Variants in ABCA12 observed in about 807,000 individuals in gnomAD.
ABCA12 encodes the protein glucosylceramide transporter ABCA12.
ABCA12 carries 156 observed loss-of-function variants against 293.5 expected under a neutral mutation model. The ratio of observed to expected loss-of-function variants is 0.53; its 90% confidence interval spans 0.47 to 0.61. ABCA12 has a LOEUF of 0.61. Ranked by LOEUF, ABCA12 falls within the 20% of genes least tolerant of loss-of-function variation. The pLI, the probability that ABCA12 is intolerant of heterozygous loss-of-function variation, is 0.00. For missense variants in ABCA12, 2,797 were observed against 3,090.2 expected (o/e 0.91, Z 2.25); for synonymous variants, 1,063 against 1,108.0 (o/e 0.96, Z 0.81).
chr2:215,066,465 T>C (rs1046686288), intron 2 of ABCA12, among the ~76,000 whole-genome samples: 1 of 152,046 alleles, frequency 6.6e-6, no homozygotes, highest in South Asian at 2.1e-4. Context: ...GAAAAAGATG[T>C]CATGGAAAAA....
At chr2:215,128,009 C>T (rs2372486) in intron 1 of ABCA12, among the ~76,000 whole-genome samples, 16,260 of 152,110 alleles carry the variant, frequency 0.11, 1,243 homozygotes, top group Admixed American at 0.19. Context: ...GGTGAATTTT[C>T]TCAGCATTTG....
intron 20 of ABCA12, among the ~76,000 whole-genome samples, chr2:215,003,617 A>G (rs1700188933): frequency 6.6e-6 from 1 of 151,792 alleles, no homozygotes; most frequent in Non-Finnish European, 1.5e-5. Flanking sequence ...CTAACAACCT[A>G]CCTATGATTG....
intron 18 of ABCA12, 34 bp downstream of exon 18, chr2:215,010,297 A>G (rs775112326): frequency 6.2e-7 from 1 of 1,612,448 alleles, no homozygotes; most frequent in Non-Finnish European, 8.5e-7. Flanking sequence ...ACATCTTAAT[A>G]GTCAAAATAG....
intron 2 of ABCA12, among the ~76,000 whole-genome samples, chr2:215,105,974 T>A (rs1329667090): frequency 6.6e-6 from 1 of 152,040 alleles, no homozygotes; most frequent in Non-Finnish European, 1.5e-5. Flanking sequence ...AGATAGCAAA[T>A]GAAATTATTT....
intron 27 of ABCA12, 51 bp from the exon 28 acceptor site, chr2:214,986,779 G>T: frequency 6.7e-7 from 1 of 1,498,328 alleles, no homozygotes; most frequent in Non-Finnish European, 9.3e-7. Context: ...AGGTAATGCA[G>T]CTAGAGTTAG....
chr2:214,966,745 A>G (rs1290675642), intron 39 of ABCA12, 103 bp downstream of exon 39: 22 of 1,064,286 alleles, frequency 2.1e-5, no homozygotes, highest in Non-Finnish European at 1.9e-5. Flanking sequence ...TTTAGATACC[A>G]TAAAATACCT....
At chr2:215,121,184 G>T (rs1339463361) in intron 1 of ABCA12, among the ~76,000 whole-genome samples, 1 of 152,188 alleles carries the variant, frequency 6.6e-6, no homozygotes, top group African/African-American at 2.4e-5. Flanking sequence ...CAGTAGAGCT[G>T]GTGTTTGAAC....
chr2:214,975,023 T>C (rs1174476050), intron 34 of ABCA12, among the ~76,000 whole-genome samples, 159 bp from the exon 35 acceptor site: 1 of 152,214 alleles, frequency 6.6e-6, no homozygotes, highest in African/African-American at 2.4e-5. Flanking sequence ...AGTGCAGTAG[T>C]GCAATCACAC....
chr2:214,960,676 T>C (rs1448126900), intron 39 of ABCA12: 1 of 152,146 alleles, frequency 6.6e-6, no homozygotes, highest in East Asian at 1.9e-4. Flanking sequence ...AAATAAGACA[T>C]CTTCTGATGT....
intron 42 of ABCA12, among the ~76,000 whole-genome samples, chr2:214,956,090 T>C (rs1422733828): frequency 6.6e-6 from 1 of 152,170 alleles, no homozygotes; most frequent in African/African-American, 2.4e-5. Flanking sequence ...ATTAAATAGA[T>C]CTAGAGACAG....
chr2:215,017,847 T>C (rs1700540428), intron 14 of ABCA12, 161 bp downstream of exon 14: 2 of 923,028 alleles, frequency 2.2e-6, no homozygotes, highest in African/African-American at 3.4e-5. Context: ...TCAGAATTTT[T>C]CTTCTATCTT....
At chr2:215,066,053 A>G (rs1241351295) in intron 2 of ABCA12, among the ~76,000 whole-genome samples, 1 of 152,084 alleles carries the variant, frequency 6.6e-6, no homozygotes, top group Admixed American at 6.6e-5. Context: ...ACTGTATGCA[A>G]TTCCCTGAAT....
At chr2:214,969,913 A>G (rs1229260526) in intron 37 of ABCA12, among the ~76,000 whole-genome samples, 1 of 152,056 alleles carries the variant, frequency 6.6e-6, no homozygotes, top group Non-Finnish European at 1.5e-5. Flanking sequence ...CACACTCTTA[A>G]GTTTTGAGAT....
chr2:215,005,924 T>C (rs1013659769), intron 19 of ABCA12, among the ~76,000 whole-genome samples: 3 of 152,198 alleles, frequency 2.0e-5, no homozygotes, highest in African/African-American at 4.8e-5. Flanking sequence ...ATTTTAGAGA[T>C]CCATAAGCTG....
At chr2:214,983,939 G>GATATATCCTCC (rs1699727937) in intron 28 of ABCA12, 74 bp from the exon 29 acceptor site, 27 of 1,325,212 alleles carry the variant, frequency 2.0e-5, no homozygotes, top group Non-Finnish European at 2.6e-5. Flanking sequence ...CTATATCTCA[G>GATATATCCTCC]TTGTTAGAAG....
chr2:215,038,438 GGGA>G (rs1406345117), intron 7 of ABCA12, among the ~76,000 whole-genome samples: 1 of 152,118 alleles, frequency 6.6e-6, no homozygotes, highest in African/African-American at 2.4e-5. Context: ...CAACATGGTG[GGGA>G]GGAGGAGGGC....
intron 6 of ABCA12, among the ~76,000 whole-genome samples, chr2:215,047,885 C>T (rs1437883699): frequency 6.6e-6 from 1 of 151,858 alleles, no homozygotes; most frequent in Non-Finnish European, 1.5e-5. Context: ...AAACAGACAA[C>T]CTACAGAATG....
rs762884225 is a variant in ABCA12 at position 215,018,060 on chromosome 2, T to C, written c.1730A>G (p.Asn577Ser). The C allele has an allele frequency of 6.2e-7, 1 of 1,614,156 alleles. No individual in the cohort carries two copies. The highest frequency in any genetic ancestry group is 8.5e-7 in the Non-Finnish European group (1 of 1,180,022). Residue 577 changes from asparagine to serine, a missense_variant, in exon 14 of 53, where the codon AAC (asparagine) becomes AGC (serine). By Grantham distance (46) the Asn-to-Ser change is conservative (BLOSUM62 1). Coordinates refer to ENST00000272895, the MANE Select transcript of ABCA12 (RefSeq NM_173076.3). The part of the protein sequence containing the change: ...EDLRRTTGMS[N>S]RTIDKLLAIP... Reference sequence around the variant, plus strand: ...GGCCAGCAACTTGTCAATAGTCCTGTTGGACATTCCTGTTGTTCTCCTTAA... The same window carrying C: ...GGCCAGCAACTTGTCAATAGTCCTGCTGGACATTCCTGTTGTTCTCCTTAA...
intron 1 of ABCA12, among the ~76,000 whole-genome samples, chr2:215,126,229 T>G (rs1293461876): frequency 6.6e-6 from 1 of 152,172 alleles, no homozygotes; most frequent in African/African-American, 2.4e-5. Context: ...GCATCTATGT[T>G]CATCAAGGAT....
Sources: gnomAD v4.1 joint callset for allele counts (sites outside exome capture counted in the v4.1 genomes callset) on GRCh38, gnomAD v4.1.1 for gene constraint, MANE v1.5 for transcripts, NCBI Gene and HGNC (gene_info 2026-07-23, HGNC 2026-07-21) for gene names.